SSTR3: variants seen among roughly 807,000 people sequenced by gnomAD.
SSTR3 encodes somatostatin receptor 3.
For synonymous variants in SSTR3, 281 were observed against 269.2 expected, an observed-to-expected ratio of 1.04 and a Z score of -0.43; for missense variants, 504 against 604.7, an observed-to-expected ratio of 0.83 and a Z score of 1.75.
At chr22:37,216,012 A>AT (rs57606603), upstream of SSTR3, 54,534 of 158,794 alleles carry the variant, frequency 0.34, 9,992 homozygotes, top group Non-Finnish European at 0.4. Flanking sequence ...CAATAAAACA[A>AT]TATAACAATA....
chr22:37,212,587 G>A (rs374521448), upstream of SSTR3, among the ~76,000 whole-genome samples: 8 of 152,072 alleles, frequency 5.3e-5, no homozygotes, highest in Non-Finnish European at 7.4e-5. Context: ...CCCTGTTACC[G>A]GGGAGATTTC....
chr22:37,207,577 G>A lies in SSTR3; in HGVS notation c.227C>T (p.Pro76Leu). 6.2e-7 allele frequency: 1 copy of A among 1,613,306 alleles called. No homozygotes were observed. Among genetic ancestry groups the A allele is most frequent in the East Asian group, 2.2e-5 (1 of 44,852 alleles). The change falls in exon 2 of 2, where the codon CCT becomes CTT. Residue 76 changes from proline to leucine, a missense_variant. Pro to Leu is a moderately conservative substitution (Grantham distance 98). Coordinates refer to ENST00000610913, the MANE Select transcript of SSTR3 (RefSeq NM_001051.5). ...IYVVLRHTAS[P>L]SVTNVYILNL... ...GAGGATGTAGACGTTGGTGACTGAA[G>A]GGCTGGCCGTGTGCCGCAGGACCAC... is the stretch of plus-strand genomic sequence containing the variant.
chr22:37,215,180 C>T (rs5756560), upstream of SSTR3, among the ~76,000 whole-genome samples: 50,558 of 152,078 alleles, frequency 0.33, 9,047 homozygotes, highest in Non-Finnish European at 0.42. Flanking sequence ...TGCCTGAATC[C>T]GTGGATTATA....
At chr22:37,211,093 G>T in intron 1 of SSTR3, 1 of 466,100 alleles carries the variant, frequency 2.1e-6, no homozygotes, top group Non-Finnish European at 2.8e-6. Flanking sequence ...TTCGAACCCA[G>T]TTCTATCTAC....
At chr22:37,213,744 C>A (rs112392594), upstream of SSTR3, among the ~76,000 whole-genome samples, 445 of 152,304 alleles carry the variant, frequency 2.9e-3, no homozygotes, top group African/African-American at 0.01. Context: ...ACCACCCACC[C>A]CTACCCACGG....
rs536741691 is a variant in SSTR3 at position 37,206,473 on chromosome 22, C to G, written c.*74G>C. The G allele has an allele frequency of 6.6e-7, 1 of 1,510,666 alleles. No individual in the cohort carries two copies. The highest frequency in any genetic ancestry group is 8.8e-7 in the Non-Finnish European group (1 of 1,135,240). The allele number at this position is 1,510,666 out of a possible 1,614,324, so 93.6% of individuals were successfully genotyped here. On this transcript the variant is annotated 3_prime_UTR_variant, in exon 2 of 2. Transcript: ENST00000610913. ...AACATCCCATCATGGGCCTGTGGCACCTTGGGAAGTAGGCCCTAGGCACAC... is the reference window on the plus strand; with the variant it reads ...AACATCCCATCATGGGCCTGTGGCAGCTTGGGAAGTAGGCCCTAGGCACAC...
rs1386035761 is a variant in SSTR3, at chr22:37,206,862, G to A, written c.942C>T (p.Gly314=). ...ANSCANPILY[G]FLSYRFKQGF... is the part of the protein sequence containing the mutation. ...CCTGCTTGAAGCGGTAGGAGAGGAA[G>A]CCATAAAGGATGGGGTTGGCACAGC... The change falls in exon 2 of 2, where the codon GGC becomes GGT. Residue 314 remains glycine (G), a synonymous_variant. Coordinates refer to ENST00000610913, the MANE Select transcript of SSTR3 (RefSeq NM_001051.5). 8 of 1,613,516 alleles carry A rather than the reference G, an allele frequency of 5.0e-6. No individual in the cohort carries two copies. In the South Asian group the frequency reaches 7.7e-5, roughly 15 times the overall value.
upstream of SSTR3, among the ~76,000 whole-genome samples, chr22:37,215,318 G>A (rs1332273569): frequency 6.6e-6 from 1 of 152,106 alleles, no homozygotes; most frequent in Non-Finnish European, 1.5e-5. Flanking sequence ...CAGGCCTCAA[G>A]CAATCCTCCC....
upstream of SSTR3, among the ~76,000 whole-genome samples, chr22:37,213,611 C>T (rs762722536): frequency 1.4e-4 from 22 of 152,202 alleles, no homozygotes; most frequent in Non-Finnish European, 2.2e-4. Flanking sequence ...GCCTTGTGCC[C>T]GGGACAAGGC....
At chr22:37,208,684 G>T (rs1292216526) in intron 1 of SSTR3, among the ~76,000 whole-genome samples, 1 of 152,210 alleles carries the variant, frequency 6.6e-6, no homozygotes, top group Non-Finnish European at 1.5e-5. Context: ...CCGCACTCCA[G>T]GTGCTTTCTT....
intron 1 of SSTR3, among the ~76,000 whole-genome samples, chr22:37,208,163 A>G (rs983057884): frequency 2.0e-5 from 3 of 152,108 alleles, no homozygotes; most frequent in Admixed American, 6.5e-5. Context: ...TCCTTTCTAC[A>G]TGTGAGGCCC....
the SSTR3 span, among the ~76,000 whole-genome samples, chr22:37,217,722 G>A: frequency 2.0e-5 from 3 of 151,476 alleles, no homozygotes; most frequent in Admixed American, 2.0e-4. Context: ...GAGACAGACA[G>A]TCTCGCTCTC....
intron 1 of SSTR3, among the ~76,000 whole-genome samples, chr22:37,211,397 C>T (rs1334264258): frequency 1.3e-5 from 2 of 152,208 alleles, no homozygotes; most frequent in African/African-American, 2.4e-5. Context: ...TGTGTGACCT[C>T]GGGCAAGTCA....
Position 37,206,969 on chromosome 22 carries a change from C to T in SSTR3, c.835G>A (p.Val279Ile), listed in dbSNP as rs373435292. The T allele has an allele frequency of 8.7e-6, 14 of 1,612,286 alleles. No individual in the cohort carries two copies. The highest frequency in any genetic ancestry group is 2.7e-5 in the African/African-American group (2 of 74,910). ...CWMPFYVLNI[V>I]NVVCPLPEEP... The stretch of plus-strand genomic sequence containing the variant: ...TCGGGCAGTGGGCACACCACGTTGA[C>T]GATGTTGAGCACGTAGAAGGGCATC... Residue 279 changes from valine (V) to isoleucine (I), a missense_variant, in exon 2 of 2, where the codon GTC becomes ATC. Coordinates refer to ENST00000610913, the MANE Select transcript of SSTR3 (RefSeq NM_001051.5).
chr22:37,210,619 A>G, intron 1 of SSTR3: 1 of 985,354 alleles, frequency 1.0e-6, no homozygotes, highest in Non-Finnish European at 1.2e-6. Context: ...AGAAGGAGGG[A>G]CTTTTCCTCC....
chr22:37,210,688 G>A (rs1926138752), intron 1 of SSTR3: 14 of 985,306 alleles, frequency 1.4e-5, no homozygotes, highest in Non-Finnish European at 1.6e-5. Context: ...CTCCTTGGAG[G>A]ACTGTTCAGG....
the SSTR3 span, among the ~76,000 whole-genome samples, chr22:37,217,565 T>C: frequency 6.6e-6 from 1 of 152,216 alleles, no homozygotes; most frequent in Non-Finnish European, 1.5e-5. Flanking sequence ...TTGCTCATCT[T>C]TATAATTTTG....
At chr22:37,215,794 A>G (rs1481003956), upstream of SSTR3, 1 of 286,248 alleles carries the variant, frequency 3.5e-6, no homozygotes, top group African/African-American at 2.2e-5. Flanking sequence ...ACCTGATGTT[A>G]TTACCAGTTT....
chr22:37,206,993 T>A lies in SSTR3; in HGVS notation c.811A>T (p.Met271Leu). The A allele has an allele frequency of 6.2e-7, 1 of 1,612,146 alleles. No homozygotes were observed. Among genetic ancestry groups the A allele is most frequent in the Non-Finnish European group, 8.5e-7 (1 of 1,179,238 alleles). The change falls in exon 2 of 2, where the codon ATG becomes TTG. Residue 271 changes from methionine (M) to leucine (L), a missense_variant. Transcript: ENST00000610913. ...ACGATGTTGAGCACGTAGAAGGGCA[T>A]CCAGCAGAGCACGAAGAGCGCCACC... The part of the protein sequence containing the change: ...AVVALFVLCW[M>L]PFYVLNIVNV...
Sources: gnomAD v4.1 joint callset for allele counts (sites outside exome capture counted in the v4.1 genomes callset) on GRCh38, gnomAD v4.1.1 for gene constraint, MANE v1.5 for transcripts, NCBI Gene and HGNC (gene_info 2026-07-23, HGNC 2026-07-21) for gene names.